Variants in PLEKHM3 observed in about 807,000 individuals in gnomAD.
PLEKHM3 encodes pleckstrin homology domain-containing family M member 3.
PLEKHM3 carries 45 observed loss-of-function variants against 81.8 expected under a neutral mutation model. The ratio of observed to expected loss-of-function variants is 0.55; its 90% CI spans 0.43 to 0.71. The LOEUF (loss-of-function observed/expected upper bound fraction) is 0.71, where lower values mean the gene tolerates loss of function less well. PLEKHM3 is among the 30% of genes least tolerant of loss of function. The pLI is 0.00. For synonymous variants in PLEKHM3, 352 were observed against 356.4 expected (o/e 0.99, Z 0.14); for missense variants, 788 against 924.3 (o/e 0.85, Z 1.91).
intron 5 of PLEKHM3, among the ~76,000 whole-genome samples, chr2:207,911,872 A>G (rs1264626659): frequency 6.6e-6 from 1 of 152,204 alleles, no homozygotes; most frequent in Admixed American, 6.5e-5. Flanking sequence ...GGACAAATGC[A>G]GGAGAGCATA....
intron 1 of PLEKHM3, among the ~76,000 whole-genome samples, chr2:208,024,705 TC>T (rs1415140107): frequency 6.6e-6 from 1 of 152,206 alleles, no homozygotes; most frequent in Non-Finnish European, 1.5e-5. Context: ...TCTGGTCCCT[TC>T]CAAGGAAGAA....
intron 5 of PLEKHM3, among the ~76,000 whole-genome samples, chr2:207,926,830 T>C (rs1357421530): frequency 1.3e-5 from 2 of 152,216 alleles, no homozygotes; most frequent in African/African-American, 4.8e-5. Flanking sequence ...GCCATCATAA[T>C]GAAAGGCCTA....
intron 6 of PLEKHM3, among the ~76,000 whole-genome samples, chr2:207,881,554 C>T (rs1574366546): frequency 1.3e-5 from 2 of 152,152 alleles, no homozygotes; most frequent in East Asian, 3.8e-4. Context: ...CTGCCTGGAG[C>T]GTTATTTTCT....
chr2:207,999,874 A>G (rs1355910500), intron 2 of PLEKHM3, among the ~76,000 whole-genome samples: 2 of 152,264 alleles, frequency 1.3e-5, no homozygotes, highest in African/African-American at 4.8e-5. Flanking sequence ...CATCAATAGA[A>G]TACCATGCAA....
chr2:207,861,192 C>T lies in PLEKHM3; in HGVS notation c.2021G>A (p.Cys674Tyr). The T allele has an allele frequency of 1.2e-6, 2 of 1,614,172 alleles. No individual in the cohort carries two copies. Among genetic ancestry groups the T allele is most frequent in the Non-Finnish European group, 1.7e-6 (2 of 1,179,988 alleles). The change falls in exon 7 of 8, where the codon TGC becomes TAC. Residue 674 changes from cysteine to tyrosine, a missense_variant. Transcript: ENST00000427836. ...IKFATSHVYS[C>Y]SLCSQKGFIC... The stretch of plus-strand genomic sequence containing the variant: ...GAACCCCTTCTGGCTACAAAGACTG[C>T]AGCTGTACACGTGTGAGGTGGCAAA...
intron 2 of PLEKHM3, among the ~76,000 whole-genome samples, chr2:207,986,987 A>C (rs1248126166): frequency 4.6e-5 from 7 of 152,078 alleles, no homozygotes; most frequent in African/African-American, 1.7e-4. Context: ...CCCTCCATCA[A>C]TATAATTGAT....
chr2:207,897,473 G>C (rs1030975120), intron 6 of PLEKHM3, among the ~76,000 whole-genome samples: 1 of 152,126 alleles, frequency 6.6e-6, no homozygotes. Flanking sequence ...CTAACTCTAA[G>C]GCCTCACAAC....
intron 4 of PLEKHM3, among the ~76,000 whole-genome samples, chr2:207,933,489 C>G (rs1437624492): frequency 1.3e-5 from 2 of 152,090 alleles, no homozygotes; most frequent in Non-Finnish European, 2.9e-5. Context: ...ATGTATTGTA[C>G]AATTCAATTA....
At chr2:207,848,850 G>A (rs1230202577) in intron 7 of PLEKHM3, among the ~76,000 whole-genome samples, 5 of 152,236 alleles carry the variant, frequency 3.3e-5, no homozygotes, top group Admixed American at 3.3e-4. Context: ...CTGAAGTCCG[G>A]CCAGATGGAT....
chr2:207,982,228 C>A (rs1691552942), intron 2 of PLEKHM3, among the ~76,000 whole-genome samples: 3 of 132,900 alleles, frequency 2.3e-5, no homozygotes, highest in African/African-American at 9.6e-5. Flanking sequence ...TCCCTCCCTC[C>A]CTCACTCCCC....
chr2:207,841,280 C>T (rs966659734), intron 7 of PLEKHM3, among the ~76,000 whole-genome samples: 3 of 150,218 alleles, frequency 2.0e-5, no homozygotes, highest in Non-Finnish European at 3.0e-5. Context: ...GCCTGACCAA[C>T]ATGGTGAAAC....
chr2:207,914,202 A>C (rs1428281085), intron 5 of PLEKHM3, among the ~76,000 whole-genome samples: 1 of 151,810 alleles, frequency 6.6e-6, no homozygotes, highest in Non-Finnish European at 1.5e-5. Flanking sequence ...AAAATACAAA[A>C]ATTAGCTGGG....
intron 3 of PLEKHM3, among the ~76,000 whole-genome samples, chr2:207,974,524 C>A (rs1343208850): frequency 6.6e-6 from 1 of 152,212 alleles, no homozygotes; most frequent in Non-Finnish European, 1.5e-5. Context: ...ATCTTGAGAA[C>A]TAAGCTGAGC....
intron 3 of PLEKHM3, among the ~76,000 whole-genome samples, chr2:207,950,569 T>C (rs1167625278): frequency 6.6e-6 from 1 of 152,002 alleles, no homozygotes. Flanking sequence ...ATGAGCATCC[T>C]CCCCCTCCCA....
intron 3 of PLEKHM3, among the ~76,000 whole-genome samples, chr2:207,960,510 A>G (rs1330588451): frequency 6.6e-6 from 1 of 152,204 alleles, no homozygotes; most frequent in Non-Finnish European, 1.5e-5. Flanking sequence ...AATAAATGTG[A>G]TCTGGAAGCA....
chr2:207,890,834 A>G (rs140103153), intron 6 of PLEKHM3, among the ~76,000 whole-genome samples: 2 of 152,314 alleles, frequency 1.3e-5, no homozygotes, highest in African/African-American at 4.8e-5. Flanking sequence ...TTTGGAGGAT[A>G]TGATTACCAA....
At chr2:207,915,888 C>G (rs1248460423) in intron 5 of PLEKHM3, among the ~76,000 whole-genome samples, 1 of 152,120 alleles carries the variant, frequency 6.6e-6, no homozygotes, top group African/African-American at 2.4e-5. Context: ...TTGGAGAGCA[C>G]ATATACCCAC....
In PLEKHM3 at chr2:207,878,817, T is replaced by C. The variant is rs1574362837; in HGVS notation, c.1951-17555A>G. Among the ~76,000 whole-genome samples the C allele has an allele frequency of 2.0e-5, 3 of 152,234 alleles. No homozygotes were observed. In the South Asian group the frequency reaches 6.2e-4, roughly 32 times the overall value. ...CTAAGCTTTAGTGTCTTGCTAGAGCTGGGTTTTTTTTATTTTTATTTTTTT... is the reference window on the plus strand; with the variant it reads ...CTAAGCTTTAGTGTCTTGCTAGAGCCGGGTTTTTTTTATTTTTATTTTTTT... On this transcript the variant is annotated intron_variant, in intron 6 of 7. Coordinates refer to ENST00000427836, the MANE Select transcript of PLEKHM3 (RefSeq NM_001080475.3).
At chr2:207,991,427 G>T (rs1691896733) in intron 2 of PLEKHM3, among the ~76,000 whole-genome samples, 1 of 152,154 alleles carries the variant, frequency 6.6e-6, no homozygotes, top group Non-Finnish European at 1.5e-5. Context: ...CCCTAATTTT[G>T]TTCAGGTATG....
Sources: gnomAD v4.1 joint callset for allele counts (sites outside exome capture counted in the v4.1 genomes callset) on GRCh38, gnomAD v4.1.1 for gene constraint, MANE v1.5 for transcripts, NCBI Gene and HGNC (gene_info 2026-07-23, HGNC 2026-07-21) for gene names.